The following MEIKIN variants were observed in gnomAD, a reference collection of about 807,000 sequenced individuals.
MEIKIN encodes the protein meiotic kinetochore factor, also known as meiosis-specific kinetochore protein.
intron 9 of MEIKIN, among the ~76,000 whole-genome samples, chr5:131,875,112 C>A (rs138375622): frequency 1.3e-5 from 2 of 152,188 alleles, no homozygotes; most frequent in East Asian, 3.8e-4. Context: ...CTTACCACTC[C>A]GATTCAACAT....
At chr5:131,835,198 G>GTA (rs1561726809) in intron 11 of MEIKIN, among the ~76,000 whole-genome samples, 11 of 150,046 alleles carry the variant, frequency 7.3e-5, no homozygotes, top group African/African-American at 2.7e-4. Context: ...ATGTGTGTGT[G>GTA]TATATATATG....
intron 11 of MEIKIN, among the ~76,000 whole-genome samples, chr5:131,841,324 A>ATTCT (rs1401497454): frequency 3.3e-5 from 5 of 152,016 alleles, no homozygotes; most frequent in Non-Finnish European, 2.9e-5. Flanking sequence ...AATGGGATCC[A>ATTCT]TTCTCATTCT....
chr5:131,936,049 C>CA (rs1280296060), intron 4 of MEIKIN, among the ~76,000 whole-genome samples: 1 of 152,170 alleles, frequency 6.6e-6, no homozygotes, highest in Non-Finnish European at 1.5e-5. Flanking sequence ...CTCAAAATTT[C>CA]ATGAATACCC....
At chr5:131,890,686 T>A (rs1428844590) in intron 8 of MEIKIN, among the ~76,000 whole-genome samples, 2 of 152,238 alleles carry the variant, frequency 1.3e-5, no homozygotes, top group African/African-American at 4.8e-5. Flanking sequence ...TTCATTGATT[T>A]TTTGAAGGGC....
intron 4 of MEIKIN, among the ~76,000 whole-genome samples, chr5:131,938,335 T>C (rs1248260388): frequency 6.6e-6 from 1 of 151,986 alleles, no homozygotes; most frequent in Non-Finnish European, 1.5e-5. Context: ...GCCCGGCTAA[T>C]TTTTTGTATT....
At chr5:131,807,307 C>T (rs1580852659) in intron 12 of MEIKIN, 49 bp from the exon 13 acceptor site, 2 of 398,032 alleles carry the variant, frequency 5.0e-6, no homozygotes, top group East Asian at 7.1e-5. Context: ...AAGCAGGTGT[C>T]CAATACTTAC....
intron 8 of MEIKIN, among the ~76,000 whole-genome samples, chr5:131,895,632 C>A (rs926997755): frequency 4.6e-5 from 7 of 152,114 alleles, no homozygotes; most frequent in African/African-American, 1.7e-4. Flanking sequence ...TGTATGTGTC[C>A]AGGAATTTAT....
chr5:131,838,807 C>T (rs75379448), intron 11 of MEIKIN, among the ~76,000 whole-genome samples: 4,030 of 152,054 alleles, frequency 0.027, 187 homozygotes, highest in African/African-American at 0.092. Context: ...AAACCAACCC[C>T]TGGATTTGTT....
intron 11 of MEIKIN, among the ~76,000 whole-genome samples, chr5:131,826,562 T>C (rs1284404631): frequency 6.6e-6 from 1 of 152,220 alleles, no homozygotes; most frequent in Admixed American, 6.5e-5. Context: ...TGATAGAGTT[T>C]GGCTCTGTGT....
chr5:131,831,353 C>A (rs1441775459), intron 11 of MEIKIN, among the ~76,000 whole-genome samples: 1 of 151,984 alleles, frequency 6.6e-6, no homozygotes, highest in Non-Finnish European at 1.5e-5. Flanking sequence ...AGTTTGAGAC[C>A]AGTCTGGGCA....
chr5:131,944,829 C>T (rs138945032), intron 2 of MEIKIN, 77 bp from the exon 3 acceptor site: 70 of 398,904 alleles, frequency 1.8e-4, no homozygotes, highest in African/African-American at 1.3e-3. Context: ...TCTTTAGAAT[C>T]TGAAAGGCTC....
intron 8 of MEIKIN, among the ~76,000 whole-genome samples, chr5:131,904,955 G>A (rs1014334449): frequency 3.9e-5 from 6 of 152,048 alleles, no homozygotes; most frequent in Admixed American, 3.9e-4. Context: ...TGGACACAGG[G>A]AGGGGAACAT....
rs1014195834 is a variant in MEIKIN, at chr5:131,944,747, C to T, written c.206G>A (p.Arg69His). ...GGSGSGPFSP[R>H]LGVTGEKSLQ... is the part of the protein sequence containing the mutation. ...GCTTTTCTCTCCTGTAACTCCTAAG[C>T]GAGGGCTAACAAAGAGACAACGCAA... is the stretch of plus-strand genomic sequence containing the variant. Residue 69 changes from arginine (R) to histidine (H), a missense_variant, in exon 3 of 13, where the codon CGC (arginine) becomes CAC (histidine). Transcript: ENST00000442687. 2 of 398,896 alleles carry T rather than the reference C, an allele frequency of 5.0e-6. No homozygotes were observed. Among genetic ancestry groups the T allele is most frequent in the Admixed American group, 8.8e-5 (2 of 22,716 alleles). 24.7% of individuals were successfully genotyped at this position (398,896 alleles called of 1,614,324 possible). A position where few individuals can be genotyped will look rare whatever the true frequency, so the allele number is the denominator to read the frequency against.
At chr5:131,866,580 G>A (rs1477476424) in intron 9 of MEIKIN, among the ~76,000 whole-genome samples, 3 of 152,184 alleles carry the variant, frequency 2.0e-5, no homozygotes, top group Admixed American at 2.0e-4. Flanking sequence ...TCTGAGCCTT[G>A]GCCTAGAGCA....
chr5:131,841,392 T>C (rs982279074), intron 11 of MEIKIN, among the ~76,000 whole-genome samples: 1 of 152,118 alleles, frequency 6.6e-6, no homozygotes, highest in African/African-American at 2.4e-5. Flanking sequence ...TACAGCAGGG[T>C]GCTAGTGGAT....
chr5:131,846,816 T>A (rs554554554), intron 11 of MEIKIN, among the ~76,000 whole-genome samples: 2 of 152,194 alleles, frequency 1.3e-5, no homozygotes, highest in Admixed American at 1.3e-4. Context: ...TGAGTTTCCA[T>A]CTCAAAAAAA....
At chr5:131,824,521 T>TAAAAC (rs548557798) in intron 11 of MEIKIN, among the ~76,000 whole-genome samples, 5 of 151,772 alleles carry the variant, frequency 3.3e-5, no homozygotes, top group Non-Finnish European at 1.5e-5. Context: ...CATCCTGTCT[T>TAAAAC]AAAACAAAAC....
intron 8 of MEIKIN, among the ~76,000 whole-genome samples, chr5:131,884,650 G>A (rs1244997054): frequency 6.6e-6 from 1 of 152,058 alleles, no homozygotes; most frequent in African/African-American, 2.4e-5. Context: ...AGAAAAGTGA[G>A]GGAAATGTAA....
At chr5:131,845,262 G>A (rs1303250153) in intron 11 of MEIKIN, among the ~76,000 whole-genome samples, 1 of 92,732 alleles carries the variant, frequency 1.1e-5, no homozygotes, top group Non-Finnish European at 1.7e-5. Context: ...AGAGCGAGAA[G>A]ACTTCGTCTT....
Sources: gnomAD v4.1 joint callset for allele counts (sites outside exome capture counted in the v4.1 genomes callset) on GRCh38, gnomAD v4.1.1 for gene constraint, MANE v1.5 for transcripts, NCBI Gene and HGNC (gene_info 2026-07-23, HGNC 2026-07-21) for gene names.